The following STX2 variants were observed in gnomAD, a reference collection of about 807,000 sequenced individuals.
The protein encoded by STX2 is syntaxin 2.
A neutral mutation model predicts 40.6 loss-of-function variants in STX2; 27 were observed. The observed-to-expected ratio is 0.66, with a 90% confidence interval of 0.49 to 0.92. The LOEUF (loss-of-function observed/expected upper bound fraction) is 0.92. Among genes scored for constraint, STX2 ranks in the 40% least tolerant of loss-of-function variants. The pLI, the probability that STX2 is intolerant of heterozygous loss-of-function variation, is 0.00. For missense variants in STX2, 328 were observed against 366.1 expected, an observed-to-expected ratio of 0.90 and a Z score of 0.85; for synonymous variants, 123 against 119.1, an observed-to-expected ratio of 1.03 and a Z score of -0.22.
chr12:130,827,352 C>T (rs1047001463), intron 1 of STX2, 85 bp from the exon 2 acceptor site: 7 of 1,024,474 alleles, frequency 6.8e-6, no homozygotes, highest in Middle Eastern at 2.9e-4. Flanking sequence ...CAGTTCAATA[C>T]CCACAAGATC....
intron 4 of STX2, chr12:130,812,424 C>T (rs1359290110): frequency 4.5e-6 from 2 of 449,382 alleles, no homozygotes; most frequent in East Asian, 7.1e-5. Flanking sequence ...CCTCTCTCTG[C>T]TTCTGCACAC....
chr12:130,828,285 T>C (rs1488757468), intron 1 of STX2, among the ~76,000 whole-genome samples: 1 of 151,758 alleles, frequency 6.6e-6, no homozygotes, highest in Non-Finnish European at 1.5e-5. Flanking sequence ...GAGTGTGCAG[T>C]GGCAGGATCT....
At chr12:130,796,505 A>G (rs1951033152) in intron 9 of STX2, among the ~76,000 whole-genome samples, 1 of 152,142 alleles carries the variant, frequency 6.6e-6, no homozygotes, top group African/African-American at 2.4e-5. Flanking sequence ...AAATAAAATA[A>G]AGCAAAACAA....
intron 9 of STX2, among the ~76,000 whole-genome samples, chr12:130,797,050 C>T (rs951417871): frequency 2.0e-5 from 3 of 152,196 alleles, no homozygotes; most frequent in African/African-American, 7.2e-5. Flanking sequence ...GCAGGCATCT[C>T]ATCAAAAAGA....
Position 130,823,149 on chromosome 12 carries a change from A to T in STX2, c.106-1361T>A, listed in dbSNP as rs114314401. Among the ~76,000 whole-genome samples, 682 of 151,570 alleles carry T rather than the reference A, an allele frequency of 4.5e-3. 8 individuals are homozygous for T. The highest frequency in any genetic ancestry group is 0.016 in the African/African-American group (652 of 41,306). ...AGACCCCCATCTCTACAAAAACTTT[A>T]AAAAAAAAGAAAATTAGCCGGGCAC... is the stretch of plus-strand genomic sequence containing the variant. On this transcript the variant is annotated intron_variant, in intron 2 of 10. Transcript: ENST00000392373.
intron 3 of STX2, among the ~76,000 whole-genome samples, chr12:130,815,902 G>A (rs1214833275): frequency 6.6e-6 from 1 of 152,124 alleles, no homozygotes; most frequent in Non-Finnish European, 1.5e-5. Context: ...CATGGAGGTA[G>A]GTAGGCTATA....
intron 10 of STX2, among the ~76,000 whole-genome samples, chr12:130,792,686 G>C (rs551167250): frequency 1.3e-5 from 2 of 152,126 alleles, no homozygotes; most frequent in African/African-American, 4.8e-5. Flanking sequence ...GACTAGTCTC[G>C]AATTCTTGGG....
chr12:130,801,114 C>T, intron 8 of STX2, 39 bp downstream of exon 8: 5 of 1,575,920 alleles, frequency 3.2e-6, no homozygotes, highest in Non-Finnish European at 4.3e-6. Context: ...TTACACATGA[C>T]TGATATCTCT....
chr12:130,811,609 G>A (rs61937254), intron 4 of STX2, among the ~76,000 whole-genome samples: 80,558 of 140,120 alleles, frequency 0.57, 24,853 homozygotes, highest in East Asian at 0.87. Flanking sequence ...GCGTGATCTC[G>A]GCTCACTGCA....
At chr12:130,811,872 T>C (rs552631329) in intron 4 of STX2, among the ~76,000 whole-genome samples, 2 of 152,294 alleles carry the variant, frequency 1.3e-5, no homozygotes, top group South Asian at 4.1e-4. Context: ...CATGAGGACA[T>C]AAAATCTGTA....
intron 3 of STX2, among the ~76,000 whole-genome samples, chr12:130,813,420 G>C (rs947091388): frequency 6.6e-6 from 1 of 152,218 alleles, no homozygotes; most frequent in Non-Finnish European, 1.5e-5. Context: ...GGAAAACGGA[G>C]ACGTAACGAT....
At chr12:130,826,846 C>T (rs1198111981) in intron 2 of STX2, among the ~76,000 whole-genome samples, 1 of 143,626 alleles carries the variant, frequency 7.0e-6, no homozygotes, top group Non-Finnish European at 1.5e-5. Flanking sequence ...ACTAAAAGTG[C>T]AAAAAAAAAA....
intron 3 of STX2, among the ~76,000 whole-genome samples, chr12:130,818,183 AAAATATATAT>A (rs1452733695): frequency 7.7e-3 from 156 of 20,330 alleles, no homozygotes; most frequent in African/African-American, 0.011. Flanking sequence ...AAAAAAAAAA[AAAATATATAT>A]ATATATATAT....
intron 8 of STX2, among the ~76,000 whole-genome samples, chr12:130,800,327 G>T (rs1951178795): frequency 6.6e-6 from 1 of 150,428 alleles, no homozygotes; most frequent in Admixed American, 6.6e-5. Flanking sequence ...TGGAGACAGG[G>T]TCTCACTCTG....
intron 6 of STX2, 48 bp downstream of exon 6, chr12:130,806,934 A>T: frequency 6.5e-7 from 1 of 1,537,398 alleles, no homozygotes; most frequent in Non-Finnish European, 9.0e-7. Context: ...GTGAGACCTT[A>T]AGGGAGAAAA....
intron 1 of STX2, 75 bp downstream of exon 1, chr12:130,838,995 A>AC: frequency 9.6e-7 from 1 of 1,039,566 alleles, no homozygotes; most frequent in Non-Finnish European, 1.2e-6. Flanking sequence ...CCCGCCCAAG[A>AC]CGCCCCGAGC....
chr12:130,810,595 G>C (rs1418754981), intron 4 of STX2: 1 of 152,208 alleles, frequency 6.6e-6, no homozygotes, highest in Non-Finnish European at 1.5e-5. Context: ...GGCTGTCACA[G>C]ACAATGAGGG....
Position 130,801,195 on chromosome 12 carries a change from C to G in STX2, c.633G>C (p.Leu211Phe). 2 of 1,613,976 alleles carry G rather than the reference C, an allele frequency of 1.2e-6. No individual in the cohort carries two copies. Among genetic ancestry groups the G allele is most frequent in the Non-Finnish European group, 8.5e-7 (1 of 1,179,904 alleles). Residue 211 changes from leucine (L) to phenylalanine (F), a missense_variant, in exon 8 of 11, where the codon TTG (leucine) becomes TTC (phenylalanine). Physicochemically the swap from Leu to Phe is conservative, Grantham distance 22. Coordinates refer to ENST00000392373, the MANE Select transcript of STX2 (RefSeq NM_194356.4). Reference protein sequence around the residue: ...IMKLETSIRELHEMFMDMAMF... With the variant: ...IMKLETSIREFHEMFMDMAMF... ...TAGCCATGTCCATGAACATCTCATG[C>G]AACTCTCGGATGCTGGTCTCCAGCT...
Position 130,838,498 on chromosome 12 carries a change from G to GCTCGC in STX2, c.30+567_30+571dup, listed in dbSNP as rs553553456. On this transcript the variant is annotated intron_variant, in intron 1 of 10. Transcript: ENST00000392373. ...AGATCAGACACAAGCTGCTGTTCGC[G>GCTCGC]CTCGCCCCACCCCAAGCACCCAGCA... Among the ~76,000 whole-genome samples, 349 of 152,204 alleles carry GCTCGC rather than the reference G, an allele frequency of 2.3e-3. 1 individual carries two copies. Among genetic ancestry groups the GCTCGC allele is most frequent in the East Asian group, 0.018 (92 of 5,162 alleles).
Sources: gnomAD v4.1 joint callset for allele counts (sites outside exome capture counted in the v4.1 genomes callset) on GRCh38, gnomAD v4.1.1 for gene constraint, MANE v1.5 for transcripts, NCBI Gene and HGNC (gene_info 2026-07-23, HGNC 2026-07-21) for gene names.